The following CHMP1A variants were observed in gnomAD, a reference collection of about 807,000 sequenced individuals.
CHMP1A encodes VPS46 homolog A.
A neutral mutation model predicts 27.0 loss-of-function variants in CHMP1A; 17 were observed. That is an observed-to-expected ratio of 0.63 (90% confidence interval 0.43 to 0.95). The LOEUF (loss-of-function observed/expected upper bound fraction) is 0.95, where lower values mean the gene tolerates loss of function less well. Among genes scored for constraint, CHMP1A ranks in the 40% least tolerant of loss-of-function variants. The pLI is 0.00. For missense variants in CHMP1A, 275 were observed against 264.0 expected (o/e 1.04, Z -0.29); for synonymous variants, 131 against 107.5 (o/e 1.22, Z -1.35).
intron 3 of CHMP1A, among the ~76,000 whole-genome samples, chr16:89,650,667 G>A (rs1282240961): frequency 6.6e-6 from 1 of 151,986 alleles, no homozygotes; most frequent in Admixed American, 6.5e-5. Flanking sequence ...TTAGCCAGGT[G>A]TGGTGGCGCA....
chr16:89,649,281 C>G, intron 4 of CHMP1A, 70 bp downstream of exon 4: 1 of 1,568,714 alleles, frequency 6.4e-7, no homozygotes, highest in Non-Finnish European at 8.7e-7. Flanking sequence ...GCCCCAGATC[C>G]AGACCGCAGA....
chr16:89,656,207 G>A (rs1000887887), intron 1 of CHMP1A, among the ~76,000 whole-genome samples: 5 of 152,158 alleles, frequency 3.3e-5, no homozygotes, highest in South Asian at 2.1e-4. Flanking sequence ...CGCGATCTCG[G>A]CTCACTGCAA....
chr16:89,656,030 T>C (rs137912477), intron 1 of CHMP1A, among the ~76,000 whole-genome samples: 78 of 152,204 alleles, frequency 5.1e-4, no homozygotes, highest in African/African-American at 1.8e-3. Context: ...GCATATTTTT[T>C]GTGGCGGGAG....
intron 1 of CHMP1A, among the ~76,000 whole-genome samples, chr16:89,655,775 G>A (rs183193538): frequency 8.5e-5 from 13 of 152,224 alleles, no homozygotes; most frequent in Non-Finnish European, 1.5e-4. Flanking sequence ...ACACGTGCAC[G>A]CCACCAGGCC....
chr16:89,657,492 C>T, intron 1 of CHMP1A, 90 bp downstream of exon 1: 1 of 1,533,974 alleles, frequency 6.5e-7, no homozygotes, highest in Non-Finnish European at 8.9e-7. Flanking sequence ...TGAGTCCTGC[C>T]CGCGGCCCCA....
intron 3 of CHMP1A, 39 bp from the exon 4 acceptor site, chr16:89,649,536 G>A: frequency 6.2e-7 from 1 of 1,611,826 alleles, no homozygotes; most frequent in Middle Eastern, 1.7e-4. Context: ...AGAGCTTGGT[G>A]GTGTGTGTGC....
Position 89,653,899 on chromosome 16 carries a change from C to T in CHMP1A, c.27+5G>A, listed in dbSNP as rs1243092878. On this transcript the variant is annotated splice_donor_5th_base_variant and intron_variant, in intron 2 of 6. Coordinates refer to ENST00000397901, the MANE Select transcript of CHMP1A (RefSeq NM_002768.5). ...GGCTGGGGTGAACGGCCATTCGGTA[C>T]ATACCTTCAACTGGAACAGGGTATC... The T allele has an allele frequency of 1.2e-6, 2 of 1,613,558 alleles. No individual in the cohort carries two copies. The highest frequency in any genetic ancestry group is 3.3e-5 in the Admixed American group (2 of 60,012).
Position 89,646,614 on chromosome 16 carries a change from ACCTCCAG to A in CHMP1A, c.475_481del (p.Leu159CysfsTer34). Reference sequence around the variant, plus strand: ...GGGCAGCTGGCTGAGCTGGTCCAGCACCTCCAGGCCATTCTCCTCGGCGATCTGCATG... The same window carrying A: ...GGGCAGCTGGCTGAGCTGGTCCAGCAGCCATTCTCCTCGGCGATCTGCATG... On this transcript the variant is annotated frameshift_variant, in exon 6 of 7. Coordinates refer to ENST00000397901, the MANE Select transcript of CHMP1A (RefSeq NM_002768.5). 6.2e-7 allele frequency: 1 copy of A among 1,606,348 alleles called. No individual in the cohort carries two copies. Among genetic ancestry groups the A allele is most frequent in the South Asian group, 1.1e-5 (1 of 89,392 alleles).
rs149948027 is a variant in CHMP1A at position 89,652,230 on chromosome 16, C to T, written c.28-584G>A. On this transcript the variant is annotated intron_variant, in intron 2 of 6. Coordinates refer to ENST00000397901, the MANE Select transcript of CHMP1A (RefSeq NM_002768.5). Reference sequence around the variant, plus strand: ...GACACAGGACCTCTGGCAACCCACCCGGAACCACAGACGCCCTGGTACCAG... The same window carrying T: ...GACACAGGACCTCTGGCAACCCACCTGGAACCACAGACGCCCTGGTACCAG... Among the ~76,000 whole-genome samples, 1,208 of 147,250 alleles carry T rather than the reference C, an allele frequency of 8.2e-3. 10 individuals carry two copies. Among genetic ancestry groups the T allele is most frequent in the South Asian group, 0.04 (180 of 4,540 alleles).
At chr16:89,649,127 G>C (rs965747792) in intron 4 of CHMP1A, 2 of 549,106 alleles carry the variant, frequency 3.6e-6, no homozygotes, top group Non-Finnish European at 6.1e-6. Flanking sequence ...GTCCCTGCCA[G>C]CATTTCCCAC....
intron 3 of CHMP1A, among the ~76,000 whole-genome samples, chr16:89,649,793 G>A (rs2059810044): frequency 6.6e-6 from 1 of 152,186 alleles, no homozygotes; most frequent in Non-Finnish European, 1.5e-5. Context: ...AGCCAGGATG[G>A]CCTCGATCTC....
chr16:89,656,242 T>C (rs955390643), intron 1 of CHMP1A, among the ~76,000 whole-genome samples: 3 of 152,194 alleles, frequency 2.0e-5, no homozygotes, highest in African/African-American at 4.8e-5. Context: ...GTTCACGCCA[T>C]TCTCCTGCCT....
Position 89,647,237 on chromosome 16 carries a change from T to G in CHMP1A, c.347A>C (p.Glu116Ala). 6.2e-7 allele frequency: 1 copy of G among 1,609,498 alleles called. No homozygotes were observed. Among genetic ancestry groups the G allele is most frequent in the Non-Finnish European group, 8.5e-7 (1 of 1,178,326 alleles). Residue 116 changes from glutamate to alanine, a missense_variant, in exon 5 of 7, where the codon GAG (glutamate) becomes GCG (alanine). Coordinates refer to ENST00000397901, the MANE Select transcript of CHMP1A (RefSeq NM_002768.5). ...QKVSSVMDRFEQQVQNLDVHT... is the reference protein window; with the variant it reads ...QKVSSVMDRFAQQVQNLDVHT... ...GACGTCCAGGTTCTGCACCTGCTGCTCGAACCTGTCCATCACTGAGGAGAC... is the reference window on the plus strand; with the variant it reads ...GACGTCCAGGTTCTGCACCTGCTGCGCGAACCTGTCCATCACTGAGGAGAC...
intron 3 of CHMP1A, 165 bp from the exon 4 acceptor site, chr16:89,649,662 GCC>G: frequency 1.3e-6 from 1 of 760,720 alleles, no homozygotes; most frequent in East Asian, 2.9e-5. Flanking sequence ...CGCAAGCTCC[GCC>G]CCCCAGGTTC....
rs8052569 is a variant in CHMP1A at position 89,651,464 on chromosome 16, C to T, written c.105+105G>A. 3,948 of 854,198 alleles carry T rather than the reference C, an allele frequency of 4.6e-3. 125 individuals carry two copies. The African/African-American group carries it at 0.06, about 13-fold the overall frequency. The allele number at this position is 854,198 out of a possible 1,614,324, so 52.9% of individuals were successfully genotyped here. A position where few individuals can be genotyped will look rare whatever the true frequency, so the allele number is the denominator to read the frequency against. ...AATCATGATGTAGAAAGTGCCCTGC[C>T]CCTCCCCAAAAGGCATCAAAACAAA... On this transcript the variant is annotated intron_variant, in intron 3 of 6. Transcript: ENST00000397901.
rs760608369 is a variant in CHMP1A, at chr16:89,646,530, C to T, written c.566G>A (p.Arg189Gln). ...SVRSQEDQLS[R>Q]RLAALRN ...GCGTTTCGGGGACCGACCCTACCTC[C>T]GTGACAGCTGGTCCTCCTGGCTGCG... The change falls in exon 6 of 7, where the codon CGG becomes CAG. Residue 189 changes from arginine to glutamine, a missense_variant. By Grantham distance (43) the Arg-to-Gln change is conservative (BLOSUM62 1). Coordinates refer to ENST00000397901, the MANE Select transcript of CHMP1A (RefSeq NM_002768.5). The T allele has an allele frequency of 7.6e-6, 12 of 1,578,082 alleles. No homozygotes were observed. Among genetic ancestry groups the T allele is most frequent in the South Asian group, 3.5e-5 (3 of 86,036 alleles).
rs1249339337 is a variant in CHMP1A, at chr16:89,655,735, C to T, written c.8-1812G>A. Among the ~76,000 whole-genome samples, 14 of 152,214 alleles carry T rather than the reference C, an allele frequency of 9.2e-5. 1 individual carries two copies. In the South Asian group the frequency reaches 2.7e-3, roughly 29 times the overall value. On this transcript the variant is annotated intron_variant, in intron 1 of 6. Coordinates refer to ENST00000397901, the MANE Select transcript of CHMP1A (RefSeq NM_002768.5). The stretch of plus-strand genomic sequence containing the variant: ...CTGCCTCCCAGGTTTAAGCGATTCT[C>T]CTGTCTCAGCCTCCCAAGTAGTTAG...
At chr16:89,657,293 A>T (rs2059889333) in intron 1 of CHMP1A, among the ~76,000 whole-genome samples, 1 of 107,150 alleles carries the variant, frequency 9.3e-6, no homozygotes, top group Non-Finnish European at 1.9e-5. Context: ...GCCCTGGGGA[A>T]GGGGTTCCGG....
chr16:89,652,729 C>T (rs1302062831), intron 2 of CHMP1A, among the ~76,000 whole-genome samples: 2 of 152,246 alleles, frequency 1.3e-5, no homozygotes, highest in East Asian at 1.9e-4. Flanking sequence ...CTGACAGGCC[C>T]ACCGTGATGG....
Sources: allele counts gnomAD v4.1 joint callset (sites outside exome capture counted in the v4.1 genomes callset), GRCh38; gene constraint gnomAD v4.1.1; transcripts MANE v1.5; gene names NCBI Gene and HGNC (gene_info 2026-07-23, HGNC 2026-07-21).